The following MED27 variants were observed in gnomAD, a reference collection of about 807,000 sequenced individuals.
The protein encoded by MED27 is mediator of RNA polymerase II transcription subunit 27.
A neutral mutation model predicts 38.2 loss-of-function variants in MED27; 30 were observed. That is an observed-to-expected ratio of 0.79 (90% CI 0.59 to 1.07). The LOEUF is 1.07. MED27 is among the 50% of genes least tolerant of loss of function. MED27 has a pLI of 0.00. For synonymous variants in MED27, 122 were observed against 153.5 expected (o/e 0.79, Z 1.52); for missense variants, 289 against 397.5 (o/e 0.73, Z 2.32).
chr9:131,984,472 C>T (rs932947147), intron 3 of MED27, among the ~76,000 whole-genome samples: 10 of 152,134 alleles, frequency 6.6e-5, no homozygotes, highest in African/African-American at 1.4e-4. Context: ...CCAGAACAAA[C>T]AGGGTCCCTC....
At chr9:131,998,115 A>G (rs1433299527) in intron 3 of MED27, among the ~76,000 whole-genome samples, 1 of 152,018 alleles carries the variant, frequency 6.6e-6, no homozygotes. Flanking sequence ...CATCCCCTCC[A>G]TTTGCAAAGA....
intron 6 of MED27, among the ~76,000 whole-genome samples, chr9:131,882,738 C>T (rs1455837392): frequency 6.6e-6 from 1 of 152,164 alleles, no homozygotes; most frequent in Non-Finnish European, 1.5e-5. Context: ...GTTTCCCCTA[C>T]AAAGGCTTCC....
intron 2 of MED27, among the ~76,000 whole-genome samples, chr9:132,027,760 A>G (rs1589274977): frequency 6.6e-6 from 1 of 152,228 alleles, no homozygotes; most frequent in South Asian, 2.1e-4. Flanking sequence ...AAATTTGATT[A>G]CAGGGTACTG....
chr9:131,934,988 T>C (rs2131573938), intron 4 of MED27, among the ~76,000 whole-genome samples: 1 of 152,274 alleles, frequency 6.6e-6, no homozygotes, highest in East Asian at 1.9e-4. Flanking sequence ...TATGTTCTCA[T>C]CTATTTGTGG....
At chr9:132,047,039 TAGAG>T (rs1374314056) in intron 2 of MED27, among the ~76,000 whole-genome samples, 3 of 152,156 alleles carry the variant, frequency 2.0e-5, no homozygotes, top group African/African-American at 7.2e-5. Flanking sequence ...GGTTTCACCT[TAGAG>T]AGCGTATGTG....
chr9:131,906,172 A>C (rs1830057819), intron 4 of MED27, among the ~76,000 whole-genome samples: 1 of 152,242 alleles, frequency 6.6e-6, no homozygotes, highest in Non-Finnish European at 1.5e-5. Flanking sequence ...CCACGTGCCA[A>C]GCATCGTTCT....
intron 4 of MED27, among the ~76,000 whole-genome samples, chr9:131,916,866 A>T (rs182933814): frequency 2.0e-5 from 3 of 152,336 alleles, no homozygotes; most frequent in South Asian, 2.1e-4. Context: ...CTCTTTGCAC[A>T]CAGCACACCC....
chr9:131,888,892 T>C (rs989602142), intron 5 of MED27, among the ~76,000 whole-genome samples: 4 of 152,290 alleles, frequency 2.6e-5, no homozygotes, highest in Admixed American at 6.5e-5. Flanking sequence ...ATTCTTCAAC[T>C]TTTCACTTTC....
intron 3 of MED27, among the ~76,000 whole-genome samples, chr9:131,961,022 C>T (rs1017086297): frequency 2.0e-5 from 3 of 152,220 alleles, no homozygotes; most frequent in Non-Finnish European, 4.4e-5. Context: ...AGCTGGACAC[C>T]TGCCTCATTA....
chr9:131,915,170 C>T (rs1239064180), intron 4 of MED27, among the ~76,000 whole-genome samples: 3 of 152,080 alleles, frequency 2.0e-5, no homozygotes, highest in Non-Finnish European at 4.4e-5. Flanking sequence ...AGCTCCCAGA[C>T]ACGTCAATGT....
intron 3 of MED27, among the ~76,000 whole-genome samples, chr9:131,942,016 G>A (rs914561928): frequency 6.6e-6 from 1 of 151,838 alleles, no homozygotes; most frequent in Non-Finnish European, 1.5e-5. Context: ...TAGTAGAGAC[G>A]GGATTTCACC....
At chr9:131,936,317 C>T (rs1206682521) in intron 4 of MED27, among the ~76,000 whole-genome samples, 2 of 152,150 alleles carry the variant, frequency 1.3e-5, no homozygotes, top group Non-Finnish European at 2.9e-5. Context: ...CAACTGCCTC[C>T]ATTTCCTACT....
chr9:132,078,237 G>A (rs1410163082), intron 1 of MED27, among the ~76,000 whole-genome samples: 1 of 152,080 alleles, frequency 6.6e-6, no homozygotes, highest in Non-Finnish European at 1.5e-5. Context: ...GTCCCAAACT[G>A]CCAACAAAAG....
intron 2 of MED27, among the ~76,000 whole-genome samples, chr9:132,045,320 T>C (rs1004105058): frequency 5.3e-5 from 8 of 151,974 alleles, no homozygotes; most frequent in Non-Finnish European, 2.9e-5. Context: ...ATTCATATAA[T>C]AGAATGTTGT....
At chr9:131,869,391 C>CA (rs10657924) in intron 6 of MED27, 124,255 of 911,578 alleles carry the variant, frequency 0.14, 2,310 homozygotes, top group East Asian at 0.37. Context: ...AGGCCTGGGG[C>CA]AAAAAAAAAA....
intron 2 of MED27, among the ~76,000 whole-genome samples, chr9:132,068,063 G>T (rs1833847886): frequency 6.6e-6 from 1 of 152,040 alleles, no homozygotes; most frequent in African/African-American, 2.4e-5. Flanking sequence ...AATAAAAAGG[G>T]TTTCTTCCCC....
chr9:131,919,121 A>T (rs1830344482), intron 4 of MED27, among the ~76,000 whole-genome samples: 1 of 152,200 alleles, frequency 6.6e-6, no homozygotes, highest in African/African-American at 2.4e-5. Flanking sequence ...GAGAAGGAGG[A>T]TGGGGAACTC....
At chr9:131,868,855 T>C (rs1202623245) in intron 6 of MED27, 1 of 985,382 alleles carries the variant, frequency 1.0e-6, no homozygotes, top group Non-Finnish European at 1.2e-6. Flanking sequence ...GATTCACAAA[T>C]GTGCCTGCTG....
chr9:131,980,432 C>T, intron 3 of MED27, among the ~76,000 whole-genome samples: 1 of 152,214 alleles, frequency 6.6e-6, no homozygotes, highest in East Asian at 1.9e-4. Flanking sequence ...CTAGTATTCG[C>T]GAGAGCTGAA....
Sources: allele counts gnomAD v4.1 joint callset (sites outside exome capture counted in the v4.1 genomes callset), GRCh38; gene constraint gnomAD v4.1.1; transcripts MANE v1.5; gene names NCBI Gene and HGNC (gene_info 2026-07-23, HGNC 2026-07-21).